UBE2E2: variants seen among roughly 807,000 people sequenced by gnomAD.
The protein encoded by UBE2E2 is ubiquitin-conjugating enzyme E2 E2.
UBE2E2 carries 6 observed loss-of-function variants against 24.7 expected under a neutral mutation model. The observed-to-expected ratio is 0.24, with a 90% CI of 0.13 to 0.48. The LOEUF (loss-of-function observed/expected upper bound fraction) is 0.48, where lower values mean the gene tolerates loss of function less well. Ranked by LOEUF, UBE2E2 falls within the 20% of genes least tolerant of loss-of-function variation. The pLI, the probability that UBE2E2 is intolerant of heterozygous loss-of-function variation, is 0.99. For missense variants in UBE2E2, 169 were observed against 245.0 expected, an observed-to-expected ratio of 0.69 and a Z score of 2.07; for synonymous variants, 104 against 83.6, an observed-to-expected ratio of 1.24 and a Z score of -1.33.
intron 3 of UBE2E2, among the ~76,000 whole-genome samples, chr3:23,463,729 A>C (rs1293552621): frequency 1.3e-5 from 2 of 152,146 alleles, no homozygotes; most frequent in African/African-American, 4.8e-5. Flanking sequence ...CACACAGTGT[A>C]ATGTGGTAAC....
At chr3:23,371,416 G>C (rs946999268) in intron 3 of UBE2E2, among the ~76,000 whole-genome samples, 1 of 152,122 alleles carries the variant, frequency 6.6e-6, no homozygotes, top group Non-Finnish European at 1.5e-5. Context: ...TTCTCACTCA[G>C]TGTCACTGAT....
intron 3 of UBE2E2, among the ~76,000 whole-genome samples, chr3:23,490,686 C>T (rs1190137457): frequency 6.6e-6 from 1 of 152,168 alleles, no homozygotes; most frequent in Non-Finnish European, 1.5e-5. Flanking sequence ...ACTCTCTAAG[C>T]TTGCTGGCTA....
intron 5 of UBE2E2, among the ~76,000 whole-genome samples, chr3:23,540,809 C>A (rs1408317381): frequency 6.6e-6 from 1 of 152,132 alleles, no homozygotes; most frequent in Admixed American, 6.5e-5. Flanking sequence ...CCTACCGGAA[C>A]TCCTGGGCTC....
At chr3:23,417,129 C>T (rs1157393236) in intron 3 of UBE2E2, among the ~76,000 whole-genome samples, 2 of 152,126 alleles carry the variant, frequency 1.3e-5, no homozygotes, top group African/African-American at 4.8e-5. Flanking sequence ...GGAGAAGAGG[C>T]TTTCTGGTTT....
intron 3 of UBE2E2, among the ~76,000 whole-genome samples, chr3:23,319,259 C>T (rs1444602775): frequency 3.3e-5 from 5 of 152,010 alleles, no homozygotes; most frequent in African/African-American, 1.2e-4. Flanking sequence ...TTAATTTATT[C>T]ATTACTCTCT....
At position 23,446,884 on chromosome 3, in the gene UBE2E2, G is replaced by A. The variant is rs546966333; in HGVS notation, c.228-52724G>A. ...ACCCTCACTCTGACCAGAAGAGCGT[G>A]CTGGCATTTCAGGTCCCCCAGTATT... is the stretch of plus-strand genomic sequence containing the variant. On this transcript the variant is annotated intron_variant, in intron 3 of 5. Transcript: ENST00000396703. Among the ~76,000 whole-genome samples the A allele has an allele frequency of 2.6e-5, 4 of 152,046 alleles. No individual in the cohort carries two copies. In the East Asian group the frequency reaches 7.7e-4, roughly 29 times the overall value.
intron 5 of UBE2E2, among the ~76,000 whole-genome samples, chr3:23,588,445 C>G (rs1454547457): frequency 1.5e-5 from 2 of 133,724 alleles, no homozygotes; most frequent in East Asian, 2.3e-4. Flanking sequence ...TAAAGAGGGT[C>G]TCACTCTGTC....
intron 3 of UBE2E2, among the ~76,000 whole-genome samples, chr3:23,230,440 A>C (rs567287024): frequency 4.6e-5 from 7 of 152,228 alleles, no homozygotes; most frequent in Admixed American, 4.6e-4. Context: ...AATTTAGAAA[A>C]CTCATAAATA....
intron 3 of UBE2E2, among the ~76,000 whole-genome samples, chr3:23,459,498 A>G (rs1330288581): frequency 1.3e-5 from 2 of 152,224 alleles, no homozygotes; most frequent in African/African-American, 4.8e-5. Flanking sequence ...TAGTAACAGG[A>G]CCATAATGTT....
In UBE2E2 at chr3:23,296,897, A is replaced by G. The variant is rs149666596; in HGVS notation, c.227+79585A>G. ...AGGAGTCACCAAACCGACTTCCACAATCGTTGAACTAGTTTACAGTCCCAC... is the reference window on the plus strand; with the variant it reads ...AGGAGTCACCAAACCGACTTCCACAGTCGTTGAACTAGTTTACAGTCCCAC... On this transcript the variant is annotated intron_variant, in intron 3 of 5. Coordinates refer to ENST00000396703, the MANE Select transcript of UBE2E2 (RefSeq NM_152653.4). Among the ~76,000 whole-genome samples the G allele has an allele frequency of 7.8e-3, 1,186 of 152,320 alleles. 12 individuals are homozygous for G. The highest frequency in any genetic ancestry group is 0.021 in the African/African-American group (873 of 41,568).
chr3:23,403,066 A>C (rs559142848), intron 3 of UBE2E2, among the ~76,000 whole-genome samples: 8 of 152,294 alleles, frequency 5.3e-5, no homozygotes, highest in Non-Finnish European at 1.5e-5. Context: ...AATATATTGG[A>C]TCTTGCTATG....
intron 3 of UBE2E2, 62 bp from the exon 4 acceptor site, chr3:23,499,546 T>G: frequency 6.4e-7 from 1 of 1,557,622 alleles, no homozygotes; most frequent in Non-Finnish European, 8.7e-7. Flanking sequence ...ATAAATAGAT[T>G]TTGTTAAATT....
At chr3:23,562,316 A>T (rs564402501) in intron 5 of UBE2E2, among the ~76,000 whole-genome samples, 3 of 152,138 alleles carry the variant, frequency 2.0e-5, no homozygotes, top group African/African-American at 7.2e-5. Context: ...TTCTGCATCT[A>T]TTGAGATAAT....
chr3:23,322,456 C>G lies in UBE2E2; in HGVS notation c.227+105144C>G, dbSNP rs564336999. ...TAACATACTGTTTTTTGGACAGAAT[C>G]CCCATGTGACTTGATTAATGATAAG... is the stretch of plus-strand genomic sequence containing the variant. On this transcript the variant is annotated intron_variant, in intron 3 of 5. Coordinates refer to ENST00000396703, the MANE Select transcript of UBE2E2 (RefSeq NM_152653.4). Among the ~76,000 whole-genome samples the G allele has an allele frequency of 4.7e-4, 72 of 152,200 alleles. No homozygotes were observed. In the Middle Eastern group the frequency reaches 0.01, roughly 22 times the overall value.
chr3:23,556,453 T>TAAAAAAAAAAAAAAAAAAAAAAAA (rs1321819270), intron 5 of UBE2E2, among the ~76,000 whole-genome samples: 3 of 69,000 alleles, frequency 4.3e-5, no homozygotes, highest in African/African-American at 6.5e-5. Flanking sequence ...TAAAATTTAT[T>TAAAAAAAAAAAAAAAAAAAAAAAA]TAAAAAAAAA....
intron 3 of UBE2E2, among the ~76,000 whole-genome samples, chr3:23,328,962 T>TA (rs1298793362): frequency 6.6e-6 from 1 of 152,196 alleles, no homozygotes; most frequent in African/African-American, 2.4e-5. Flanking sequence ...GTGCCCGGCC[T>TA]AAAATGCCTT....
rs114971904 is a variant in UBE2E2 at position 23,507,381 on chromosome 3, G to A, written c.360+7641G>A. 1.8e-3 allele frequency among the ~76,000 whole-genome samples: 271 copies of A among 152,204 alleles called. 1 individual carries two copies. Among genetic ancestry groups the A allele is most frequent in the African/African-American group, 6.3e-3 (262 of 41,518 alleles). On this transcript the variant is annotated intron_variant, in intron 4 of 5. Coordinates refer to ENST00000396703, the MANE Select transcript of UBE2E2 (RefSeq NM_152653.4). ...TATTATGTTTCCCTTTCCCCAATTA[G>A]CATGTAAGCTCAATGAACACAGAAA...
At chr3:23,388,818 A>G (rs1412930583) in intron 3 of UBE2E2, among the ~76,000 whole-genome samples, 1 of 151,940 alleles carries the variant, frequency 6.6e-6, no homozygotes, top group Non-Finnish European at 1.5e-5. Context: ...CAGCCTGACC[A>G]ACATGGTGAA....
chr3:23,328,909 A>G (rs1694985771), intron 3 of UBE2E2, among the ~76,000 whole-genome samples: 1 of 152,018 alleles, frequency 6.6e-6, no homozygotes, highest in Non-Finnish European at 1.5e-5. Context: ...TGATCCGCCC[A>G]CCTCGGTCTC....
Sources: allele counts gnomAD v4.1 joint callset (sites outside exome capture counted in the v4.1 genomes callset), GRCh38; gene constraint gnomAD v4.1.1; transcripts MANE v1.5; gene names NCBI Gene and HGNC (gene_info 2026-07-23, HGNC 2026-07-21).